The following SEPSECS variants were observed in gnomAD, a reference collection of about 807,000 sequenced individuals.
The protein encoded by SEPSECS is Sep (O-phosphoserine) tRNA:Sec (selenocysteine) tRNA synthase, also known as O-phosphoseryl-tRNA(Sec) selenium transferase.
In SEPSECS, 42 loss-of-function variants were observed where a neutral mutation model predicts 52.1. That is an observed-to-expected ratio of 0.81 (90% CI 0.63 to 1.04). The LOEUF is 1.04. Ranked by LOEUF, SEPSECS falls within the 50% of genes least tolerant of loss-of-function variation. The pLI, the probability that SEPSECS is intolerant of heterozygous loss-of-function variation, is 0.00. For synonymous variants in SEPSECS, 216 were observed against 211.4 expected, an observed-to-expected ratio of 1.02 and a Z score of -0.19; for missense variants, 590 against 610.6, an observed-to-expected ratio of 0.97 and a Z score of 0.36.
intron 9 of SEPSECS, among the ~76,000 whole-genome samples, chr4:25,126,849 G>T (rs1429864970): frequency 6.6e-6 from 1 of 152,128 alleles, no homozygotes; most frequent in East Asian, 1.9e-4. Context: ...TAGAGACAAG[G>T]TTTCACTATG....
chr4:25,151,184 A>T (rs1470507980), intron 6 of SEPSECS, among the ~76,000 whole-genome samples: 1 of 152,184 alleles, frequency 6.6e-6, no homozygotes, highest in African/African-American at 2.4e-5. Context: ...ATTGATTGTC[A>T]ATAATAACAA....
At position 25,155,064 on chromosome 4, in the gene SEPSECS, A is replaced by G. The variant is rs1381745216; in HGVS notation, c.635T>C (p.Leu212Pro). The G allele has an allele frequency of 1.9e-6, 3 of 1,614,194 alleles. No homozygotes were observed. The highest frequency in any genetic ancestry group is 1.7e-5 in the Admixed American group (1 of 60,030). The change falls in exon 5 of 11, where the codon CTT (leucine) becomes CCT (proline). Residue 212 changes from leucine (L) to proline (P), a missense_variant. By Grantham distance (98) the Leu-to-Pro change is moderately conservative (BLOSUM62 -3). Transcript: ENST00000382103. ...AATACACAGAATGCAATCAGGCCCA[A>G]GTTCCTGGACTTTAGCCTCCACTGC... is the stretch of plus-strand genomic sequence containing the variant. ...LKAVEAKVQE[L>P]GPDCILCIHS...
intron 2 of SEPSECS, among the ~76,000 whole-genome samples, chr4:25,157,711 AT>A (rs1320048971): frequency 3.3e-5 from 5 of 151,618 alleles, no homozygotes; most frequent in Non-Finnish European, 4.4e-5. Flanking sequence ...CGCCCGGCTA[AT>A]TTTTTTGTAT....
At position 25,127,309 on chromosome 4, in the gene SEPSECS, AGGCTT is replaced by A. The variant is rs750537834; in HGVS notation, c.1070_1074del (p.Glu357ValfsTer3). On this transcript the variant is annotated frameshift_variant, in exon 9 of 11. Coordinates refer to ENST00000382103, the MANE Select transcript of SEPSECS (RefSeq NM_016955.4). LOFTEE classifies it high-confidence loss of function. ...GGTGTATGCAACAGTCTTTCATTGT[AGGCTT>A]CTGACAACTTCTTTATTTGGTTGGA... The A allele has an allele frequency of 1.2e-6, 2 of 1,613,428 alleles. No homozygotes were observed. The highest frequency in any genetic ancestry group is 3.3e-5 in the Admixed American group (2 of 60,018).
chr4:25,156,652 G>A (rs955076486), intron 3 of SEPSECS, among the ~76,000 whole-genome samples: 1 of 133,012 alleles, frequency 7.5e-6, no homozygotes, highest in Non-Finnish European at 1.5e-5. Flanking sequence ...AGCTTGCAGT[G>A]AGCCGAGATC....
intron 10 of SEPSECS, among the ~76,000 whole-genome samples, chr4:25,125,016 T>C (rs1254906073): frequency 6.6e-6 from 1 of 152,154 alleles, no homozygotes; most frequent in East Asian, 1.9e-4. Context: ...ATATTGTATA[T>C]AGATGAGTTC....
intron 6 of SEPSECS, 60 bp downstream of exon 6, chr4:25,151,900 T>G: frequency 1.1e-6 from 1 of 912,954 alleles, no homozygotes; most frequent in East Asian, 2.4e-5. Flanking sequence ...AAAGTAATAA[T>G]CCTATAATAT....
At chr4:25,146,838 C>A (rs1711992305) in intron 6 of SEPSECS, among the ~76,000 whole-genome samples, 1 of 152,162 alleles carries the variant, frequency 6.6e-6, no homozygotes, top group South Asian at 2.1e-4. Flanking sequence ...TCACAACTAC[C>A]ACCCTGGCCA....
chr4:25,158,890 G>T, intron 2 of SEPSECS, 63 bp downstream of exon 2: 1 of 1,427,294 alleles, frequency 7.0e-7, no homozygotes, highest in Non-Finnish European at 9.9e-7. Context: ...AAATACTGCT[G>T]CCATTATTTT....
intron 8 of SEPSECS, among the ~76,000 whole-genome samples, chr4:25,140,918 G>GAAA (rs11373679): frequency 6.8e-6 from 1 of 146,882 alleles, no homozygotes; most frequent in Non-Finnish European, 1.5e-5. Context: ...GAAAATATTT[G>GAAA]AAAAAAAAAA....
intron 8 of SEPSECS, among the ~76,000 whole-genome samples, chr4:25,143,893 A>T (rs758606727): frequency 3.9e-5 from 6 of 152,214 alleles, no homozygotes; most frequent in Non-Finnish European, 5.9e-5. Flanking sequence ...CAGATAGAAG[A>T]TGAATAAAAC....
At chr4:25,139,072 C>T (rs1004332149) in intron 8 of SEPSECS, among the ~76,000 whole-genome samples, 2 of 152,180 alleles carry the variant, frequency 1.3e-5, no homozygotes, top group African/African-American at 4.8e-5. Context: ...TTTTACCTGA[C>T]CCTTCCAGAT....
chr4:25,160,027 C>T lies in SEPSECS; in HGVS notation c.114+229G>A, dbSNP rs983556574. 6 of 985,276 alleles carry T rather than the reference C, an allele frequency of 6.1e-6. No individual in the cohort carries two copies. In the African/African-American group the frequency reaches 1.0e-4, roughly 17 times the overall value. 61.0% of individuals were successfully genotyped at this position (985,276 alleles called of 1,614,324 possible). On this transcript the variant is annotated intron_variant, in intron 1 of 10. Transcript: ENST00000382103. ...AGTTAGAAACAGCGGGACTCAAAAC[C>T]CCGACCCCAACACCCCCTCCTAACA...
At position 25,121,054 on chromosome 4, in the gene SEPSECS, A is replaced by G. The variant is rs1728102189; in HGVS notation, c.*2877T>C. The G allele has an allele frequency of 6.6e-6, 1 of 152,158 alleles. No individual in the cohort carries two copies. Among genetic ancestry groups the G allele is most frequent in the Admixed American group, 6.5e-5 (1 of 15,274 alleles). 9.4% of individuals were successfully genotyped at this position (152,158 alleles called of 1,614,324 possible). ...TTTATATTTAAATTTACCATTCTGTATATCAAGTGCCTATTGGCTGAACAG... is the reference window on the plus strand; with the variant it reads ...TTTATATTTAAATTTACCATTCTGTGTATCAAGTGCCTATTGGCTGAACAG... On this transcript the variant is annotated 3_prime_UTR_variant, in exon 11 of 11. Coordinates refer to ENST00000382103, the MANE Select transcript of SEPSECS (RefSeq NM_016955.4).
rs1233729947 is a variant in SEPSECS, at chr4:25,123,984, C to T, written c.1453G>A (p.Ala485Thr). The change falls in exon 11 of 11, where the codon GCT becomes ACT. Residue 485 changes from alanine (A) to threonine (T), a missense_variant. By Grantham distance (58) the Ala-to-Thr change is moderately conservative (BLOSUM62 0). Coordinates refer to ENST00000382103, the MANE Select transcript of SEPSECS (RefSeq NM_016955.4). ...AGAAGTACATTATCTAGTTTTAAAG[C>T]CATTTCTTCAATATCCACATCTTCA... ...KTEDVDIEEMALKLDNVLLDT... is the reference protein window; with the variant it reads ...KTEDVDIEEMTLKLDNVLLDT... 1.2e-6 allele frequency: 2 copies of T among 1,613,522 alleles called. No homozygotes were observed. The highest frequency in any genetic ancestry group is 1.7e-5 in the Admixed American group (1 of 59,996).
At chr4:25,131,142 C>T (rs1031626409) in intron 8 of SEPSECS, among the ~76,000 whole-genome samples, 6 of 152,120 alleles carry the variant, frequency 3.9e-5, no homozygotes, top group African/African-American at 1.4e-4. Flanking sequence ...TTATATTAAG[C>T]ATTATCTTTC....
intron 1 of SEPSECS, chr4:25,160,048 TAAC>T (rs990794663): frequency 9.1e-6 from 9 of 985,226 alleles, no homozygotes; most frequent in Non-Finnish European, 8.4e-6. Context: ...CACCCCCTCC[TAAC>T]AACACCATTT....
At chr4:25,156,564 C>T (rs1200572469) in intron 3 of SEPSECS, among the ~76,000 whole-genome samples, 1 of 151,552 alleles carries the variant, frequency 6.6e-6, no homozygotes, top group African/African-American at 2.4e-5. Flanking sequence ...AAAAATTAGC[C>T]AGGCGTGGCG....
intron 8 of SEPSECS, among the ~76,000 whole-genome samples, chr4:25,140,981 C>T (rs979325621): frequency 2.6e-5 from 4 of 151,532 alleles, no homozygotes; most frequent in Non-Finnish European, 5.9e-5. Context: ...ACATTATTTC[C>T]TAAACAATAC....
Sources: gnomAD v4.1 joint callset for allele counts (sites outside exome capture counted in the v4.1 genomes callset) on GRCh38, gnomAD v4.1.1 for gene constraint, MANE v1.5 for transcripts, NCBI Gene and HGNC (gene_info 2026-07-23, HGNC 2026-07-21) for gene names.